Variants in TMC1 observed in about 807,000 individuals in gnomAD.
TMC1 encodes transmembrane channel-like protein 1.
Under a neutral mutation model 105.8 loss-of-function variants are expected in TMC1, and 84 were observed. The observed-to-expected ratio is 0.79, with a 90% CI of 0.67 to 0.95. TMC1 has a LOEUF of 0.95. Ranked by LOEUF, TMC1 falls within the 40% of genes least tolerant of loss-of-function variation. TMC1 has a pLI of 0.00. For missense variants in TMC1, 817 were observed against 914.1 expected (o/e 0.89, Z 1.37); for synonymous variants, 315 against 311.5 (o/e 1.01, Z -0.12).
chr9:72,694,429 T>C, intron 6 of TMC1, 114 bp from the exon 7 acceptor site: 1 of 877,804 alleles, frequency 1.1e-6, no homozygotes, highest in Non-Finnish European at 1.9e-6. Context: ...ATGTGGAGAA[T>C]TGCTAGACTG....
intron 1 of TMC1, among the ~76,000 whole-genome samples, chr9:72,576,719 T>C (rs1281937909): frequency 6.8e-6 from 1 of 147,872 alleles, no homozygotes; most frequent in African/African-American, 2.5e-5. Context: ...TCTGTCTCCC[T>C]CCCAACTTCA....
intron 20 of TMC1, among the ~76,000 whole-genome samples, chr9:72,825,211 G>A (rs1351252760): frequency 6.6e-6 from 1 of 152,204 alleles, no homozygotes. Context: ...TTAAGTCCAT[G>A]CATTAAGCAT....
intron 12 of TMC1, among the ~76,000 whole-genome samples, chr9:72,762,246 C>T (rs1409470230): frequency 6.6e-6 from 1 of 152,112 alleles, no homozygotes; most frequent in Non-Finnish European, 1.5e-5. Flanking sequence ...TCCAGTATTT[C>T]CCATCATGCT....
At chr9:72,612,946 G>C (rs1284615762) in intron 2 of TMC1, among the ~76,000 whole-genome samples, 1 of 152,130 alleles carries the variant, frequency 6.6e-6, no homozygotes, top group East Asian at 1.9e-4. Flanking sequence ...TGCTGGTCTT[G>C]AAGATGTTAA....
chr9:72,696,627 C>T (rs1273131019), intron 7 of TMC1, among the ~76,000 whole-genome samples: 7 of 152,074 alleles, frequency 4.6e-5, no homozygotes, highest in African/African-American at 1.7e-4. Context: ...CTTGCATTGA[C>T]ACAACATTTG....
intron 2 of TMC1, among the ~76,000 whole-genome samples, chr9:72,598,209 A>G (rs1386829401): frequency 6.6e-6 from 1 of 152,176 alleles, no homozygotes; most frequent in African/African-American, 2.4e-5. Flanking sequence ...GATAGACTCT[A>G]CATCAATCTC....
At chr9:72,582,042 C>T (rs1824484135) in intron 2 of TMC1, among the ~76,000 whole-genome samples, 1 of 152,200 alleles carries the variant, frequency 6.6e-6, no homozygotes, top group South Asian at 2.1e-4. Context: ...ACCGCAACCT[C>T]CGCCTCCTGG....
chr9:72,559,903 C>T (rs139150504), intron 1 of TMC1, among the ~76,000 whole-genome samples: 2,766 of 152,330 alleles, frequency 0.018, 40 homozygotes, highest in Non-Finnish European at 0.029. Flanking sequence ...GTCACTGACA[C>T]TTGGTGCACA....
chr9:72,759,405 G>A (rs935598673), intron 12 of TMC1, among the ~76,000 whole-genome samples: 2 of 152,152 alleles, frequency 1.3e-5, no homozygotes, highest in African/African-American at 2.4e-5. Flanking sequence ...CATATACAAG[G>A]ATGGGTCTGA....
At position 72,802,227 on chromosome 9, in the gene TMC1, CTACA is replaced by C. The variant is rs563960605; in HGVS notation, c.1567-3132_1567-3129del. 4.1e-4 allele frequency among the ~76,000 whole-genome samples: 62 copies of C among 149,404 alleles called. No homozygotes were observed. In the East Asian group the frequency reaches 8.2e-3, roughly 20 times the overall value. ...GGGCAACATAGCAAGACCCCTGTCT[CTACA>C]TACATACATACATACATACATATAT... On this transcript the variant is annotated intron_variant, in intron 17 of 23. Transcript: ENST00000297784.
chr9:72,776,045 A>G (rs1301893501), intron 13 of TMC1, among the ~76,000 whole-genome samples: 1 of 152,176 alleles, frequency 6.6e-6, no homozygotes, highest in Non-Finnish European at 1.5e-5. Flanking sequence ...AAATCTCTAC[A>G]TGACATTTGG....
chr9:72,677,896 G>A lies in TMC1; in HGVS notation c.17-10813G>A, dbSNP rs115998864. Among the ~76,000 whole-genome samples the A allele has an allele frequency of 3.8e-3, 583 of 152,226 alleles. 4 individuals are homozygous for A. Among genetic ancestry groups the A allele is most frequent in the African/African-American group, 0.014 (563 of 41,546 alleles). On this transcript the variant is annotated intron_variant, in intron 5 of 23. Transcript: ENST00000297784. The stretch of plus-strand genomic sequence containing the variant: ...TAATATGAATGGTGTTTAGCCTGAT[G>A]AATAAAGTGTGGTGTCTGTGCATTC...
At chr9:72,532,613 T>C (rs560707653) in intron 1 of TMC1, among the ~76,000 whole-genome samples, 68 of 138,744 alleles carry the variant, frequency 4.9e-4, no homozygotes, top group Admixed American at 6.9e-4. Flanking sequence ...AGCCCAGTCA[T>C]CTTGAAGCCA....
At chr9:72,582,044 G>A (rs1407105636) in intron 2 of TMC1, among the ~76,000 whole-genome samples, 10 of 152,210 alleles carry the variant, frequency 6.6e-5, no homozygotes, top group Non-Finnish European at 5.9e-5. Context: ...CGCAACCTCC[G>A]CCTCCTGGGT....
At chr9:72,627,736 A>G (rs901291123) in intron 3 of TMC1, among the ~76,000 whole-genome samples, 185 bp from the exon 4 acceptor site, 3 of 150,968 alleles carry the variant, frequency 2.0e-5, no homozygotes, top group African/African-American at 7.3e-5. Context: ...TGCATTTGAA[A>G]CTCCTGTTGC....
At chr9:72,664,008 A>G (rs896213391) in intron 5 of TMC1, among the ~76,000 whole-genome samples, 2 of 152,188 alleles carry the variant, frequency 1.3e-5, no homozygotes, top group Non-Finnish European at 2.9e-5. Context: ...GAAGATCTTC[A>G]TGGACAATAA....
chr9:72,745,659 C>T (rs2487467), intron 10 of TMC1, among the ~76,000 whole-genome samples: 88,958 of 151,918 alleles, frequency 0.59, 28,095 homozygotes, highest in African/African-American at 0.84. Flanking sequence ...TATTAGAGCA[C>T]TGGATTGGAC....
chr9:72,649,010 T>A (rs1588011250), intron 5 of TMC1, among the ~76,000 whole-genome samples: 1 of 152,310 alleles, frequency 6.6e-6, no homozygotes, highest in East Asian at 1.9e-4. Context: ...TGACCTATTG[T>A]CAGATTGGTG....
chr9:72,587,799 T>C (rs1824577949), intron 2 of TMC1, among the ~76,000 whole-genome samples: 1 of 151,848 alleles, frequency 6.6e-6, no homozygotes, highest in African/African-American at 2.4e-5. Context: ...TTTTTTTTTT[T>C]TTTTGAGACA....
Sources: allele counts gnomAD v4.1 joint callset (sites outside exome capture counted in the v4.1 genomes callset), GRCh38; gene constraint gnomAD v4.1.1; transcripts MANE v1.5; gene names NCBI Gene and HGNC (gene_info 2026-07-23, HGNC 2026-07-21).